ZNF723: variants seen among roughly 807,000 people sequenced by gnomAD.
ZNF723 encodes zinc finger protein 723.
In ZNF723, 5 loss-of-function variants were observed where a neutral mutation model predicts 9.4. That is an observed-to-expected ratio of 0.53 (90% CI 0.28 to 1.12). ZNF723 has a LOEUF of 1.12. ZNF723 is among the 50% of genes most tolerant of loss of function. ZNF723 has a pLI of 0.10. For synonymous variants in ZNF723, 158 were observed against 168.8 expected (o/e 0.94, Z 0.49); for missense variants, 450 against 501.5 (o/e 0.90, Z 0.98).
the ZNF723 span, among the ~76,000 whole-genome samples, chr19:22,824,298 A>AAT: frequency 0.014 from 2,060 of 152,084 alleles, 45 homozygotes; most frequent in African/African-American, 0.047. Context: ...AAGACTGTGG[A>AAT]ATATCGCTAG....
At chr19:22,852,204 TTGATC>T (rs1967407691) in intron 3 of ZNF723, among the ~76,000 whole-genome samples, 1 of 152,216 alleles carries the variant, frequency 6.6e-6, no homozygotes, top group South Asian at 2.1e-4. Context: ...CATAAATATA[TTGATC>T]TACTTTATAG....
At chr19:22,819,880 A>G in the ZNF723 span, among the ~76,000 whole-genome samples, 1 of 151,982 alleles carries the variant, frequency 6.6e-6, no homozygotes, top group Non-Finnish European at 1.5e-5. Flanking sequence ...CCCTGCATAC[A>G]TTGTGTATTG....
At chr19:22,849,388 T>C in intron 3 of ZNF723, 95 bp downstream of exon 3, 1 of 471,138 alleles carries the variant, frequency 2.1e-6, no homozygotes, top group Non-Finnish European at 3.9e-6. Flanking sequence ...GAAGCTGTGT[T>C]CCAAAGAAAA....
chr19:22,822,082 T>C, the ZNF723 span, among the ~76,000 whole-genome samples: 56,974 of 152,052 alleles, frequency 0.37, 11,202 homozygotes, highest in African/African-American at 0.52. Flanking sequence ...CGTACTCCAG[T>C]CTGGGTGACA....
Position 22,857,872 on chromosome 19 carries a change from C to A in ZNF723, c.981C>A (p.His327Gln). ...GCAAAGCCTTTAACCAGCCCTCACA[C>A]CTTGCTACACATAAGAGAATTCATA... Reference protein sequence around the residue: ...ECGKAFNQPSHLATHKRIHTG... With the variant: ...ECGKAFNQPSQLATHKRIHTG... The change falls in exon 4 of 4, where the codon CAC (histidine) becomes CAA (glutamine). Residue 327 changes from histidine to glutamine, a missense_variant. Transcript: ENST00000600766. 1.4e-6 allele frequency: 2 copies of A among 1,411,924 alleles called. No homozygotes were observed. Among genetic ancestry groups the A allele is most frequent in the Non-Finnish European group, 1.0e-6 (1 of 996,758 alleles). 87.5% of individuals were successfully genotyped at this position (1,411,924 alleles called of 1,614,324 possible).
upstream of ZNF723, among the ~76,000 whole-genome samples, chr19:22,830,141 T>C (rs1254853882): frequency 6.8e-6 from 1 of 148,062 alleles, no homozygotes; most frequent in East Asian, 2.0e-4. Flanking sequence ...AGCTTTTCTT[T>C]CAAATTATCC....
chr19:22,847,579 A>C (rs1967330961), intron 1 of ZNF723, among the ~76,000 whole-genome samples: 2 of 152,136 alleles, frequency 1.3e-5, no homozygotes, highest in South Asian at 4.1e-4. Context: ...TACACATTAA[A>C]ATTTGCTAGG....
rs933611443 is a variant in ZNF723 at position 22,843,871 on chromosome 19, T to TA, written c.4-4382dup. On this transcript the variant is annotated intron_variant, in intron 1 of 3. Coordinates refer to ENST00000600766, the MANE Select transcript of ZNF723 (RefSeq NM_001349726.2). Reference sequence around the variant, plus strand: ...ATTATATAATGGACAGGGCAGTGGCTAAAAAAAATTATACAAACTCTGAGA... The same window carrying TA: ...ATTATATAATGGACAGGGCAGTGGCTAAAAAAAAATTATACAAACTCTGAGA... 5.3e-5 allele frequency among the ~76,000 whole-genome samples: 8 copies of TA among 152,116 alleles called. No homozygotes were observed. In the South Asian group the frequency reaches 6.2e-4, roughly 12 times the overall value.
intron 1 of ZNF723, among the ~76,000 whole-genome samples, chr19:22,833,396 C>T (rs1288456177): frequency 6.6e-6 from 1 of 152,004 alleles, no homozygotes; most frequent in African/African-American, 2.4e-5. Context: ...CGTGATCCGC[C>T]CGCCTCGGCC....
At chr19:22,826,718 C>G in the ZNF723 span, among the ~76,000 whole-genome samples, 1 of 152,162 alleles carries the variant, frequency 6.6e-6, no homozygotes, top group Non-Finnish European at 1.5e-5. Context: ...AACTGTCATA[C>G]CTGGATCCAA....
In ZNF723 at chr19:22,858,647, T is replaced by A. The variant is rs1967520727; in HGVS notation, c.*214T>A. 1 of 344,204 alleles carries A rather than the reference T, an allele frequency of 2.9e-6. No individual in the cohort carries two copies. Among genetic ancestry groups the A allele is most frequent in the South Asian group, 7.0e-5 (1 of 14,360 alleles). 21.3% of individuals were successfully genotyped at this position (344,204 alleles called of 1,614,324 possible). ...CGGGTGTAGTGGTGGGCGCCTGTAATCCCAGCTAGTTGGGAGGCTGAGGCA... is the reference window on the plus strand; with the variant it reads ...CGGGTGTAGTGGTGGGCGCCTGTAAACCCAGCTAGTTGGGAGGCTGAGGCA... On this transcript the variant is annotated 3_prime_UTR_variant, in exon 4 of 4. Transcript: ENST00000600766.
At chr19:22,826,149 A>G in the ZNF723 span, among the ~76,000 whole-genome samples, 2 of 152,332 alleles carry the variant, frequency 1.3e-5, no homozygotes, top group Admixed American at 1.3e-4. Context: ...CACTGGGGGC[A>G]TTGTGACATT....
At chr19:22,856,701 C>T (rs1004137164) in intron 3 of ZNF723, among the ~76,000 whole-genome samples, 1 of 152,190 alleles carries the variant, frequency 6.6e-6, no homozygotes, top group East Asian at 1.9e-4. Context: ...CACTTTATGT[C>T]ATTGGAAACA....
chr19:22,857,846 G>A lies in ZNF723; in HGVS notation c.955G>A (p.Gly319Ser). 7.1e-7 allele frequency: 1 copy of A among 1,405,458 alleles called. No individual in the cohort carries two copies. The highest frequency in any genetic ancestry group is 1.0e-6 in the Non-Finnish European group (1 of 990,820). The allele number at this position is 1,405,458 out of a possible 1,614,324, so 87.1% of individuals were successfully genotyped here. The change falls in exon 4 of 4, where the codon GGC becomes AGC. Residue 319 changes from glycine to serine, a missense_variant. This residue lies in a region of ZNF723 where 237 missense variants were observed against 332.2 expected (regional missense o/e 0.71). Transcript: ENST00000600766. ...GEKPYKCEEC[G>S]KAFNQPSHLA... Reference sequence around the variant, plus strand: ...GAAACCCTACAAATGTGAAGAATGTGGCAAAGCCTTTAACCAGCCCTCACA... The same window carrying A: ...GAAACCCTACAAATGTGAAGAATGTAGCAAAGCCTTTAACCAGCCCTCACA...
Position 22,857,558 on chromosome 19 carries a change from C to A in ZNF723, c.667C>A (p.His223Asn), listed in dbSNP as rs562802448. Residue 223 changes from histidine (H) to asparagine (N), a missense_variant, in exon 4 of 4, where the codon CAT becomes AAT. Transcript: ENST00000600766. ...AAAGCTTAATAATCATAAGAGAATT[C>A]ATACTGGAGAGAAACCCTACAAATG... ...PSKLNNHKRI[H>N]TGEKPYKCEE... The A allele has an allele frequency of 5.2e-5, 70 of 1,337,426 alleles. No homozygotes were observed. Among genetic ancestry groups the A allele is most frequent in the Admixed American group, 8.4e-5 (5 of 59,578 alleles). The allele number at this position is 1,337,426 out of a possible 1,614,324, so 82.8% of individuals were successfully genotyped here.
At chr19:22,845,586 A>G (rs566193365) in intron 1 of ZNF723, among the ~76,000 whole-genome samples, 1 of 152,218 alleles carries the variant, frequency 6.6e-6, no homozygotes, top group Non-Finnish European at 1.5e-5. Flanking sequence ...TATTTTTATT[A>G]CTGTAGCAGA....
chr19:22,851,896 C>G (rs1967401818), intron 3 of ZNF723, among the ~76,000 whole-genome samples: 1 of 152,136 alleles, frequency 6.6e-6, no homozygotes, highest in Admixed American at 6.5e-5. Context: ...AAGCGATTCT[C>G]CTGCCTCAGC....
At chr19:22,828,399 A>G (rs1311658357), upstream of ZNF723, among the ~76,000 whole-genome samples, 1 of 152,186 alleles carries the variant, frequency 6.6e-6, no homozygotes, top group Non-Finnish European at 1.5e-5. Flanking sequence ...TCACGTCTGT[A>G]ATCCCAGAAC....
At chr19:22,816,796 G>A in the ZNF723 span, among the ~76,000 whole-genome samples, 1 of 152,212 alleles carries the variant, frequency 6.6e-6, no homozygotes, top group Non-Finnish European at 1.5e-5. Context: ...GCCCACATGG[G>A]CCATTGTAAC....
Sources: gnomAD v4.1 joint callset for allele counts (sites outside exome capture counted in the v4.1 genomes callset) on GRCh38, gnomAD v4.1.1 for gene constraint, gnomAD v4.1.1 regional missense constraint, MANE v1.5 for transcripts, NCBI Gene and HGNC (gene_info 2026-07-23, HGNC 2026-07-21) for gene names.